The following NR3C1 variants were observed in gnomAD, a reference collection of about 807,000 sequenced individuals.
The protein encoded by NR3C1 is glucocorticoid receptor.
Under a neutral mutation model 74.0 loss-of-function variants are expected in NR3C1, and 14 were observed. That is an observed-to-expected ratio of 0.19 (90% confidence interval 0.12 to 0.30). The LOEUF is 0.30. Ranked by LOEUF, NR3C1 falls within the 10% of genes least tolerant of loss-of-function variation. The pLI is 1.00. For missense variants in NR3C1, 695 were observed against 909.8 expected (o/e 0.76, Z 3.04); for synonymous variants, 308 against 332.5 (o/e 0.93, Z 0.80).
At chr5:143,292,487 C>T (rs1816159270) in intron 7 of NR3C1, among the ~76,000 whole-genome samples, 1 of 152,142 alleles carries the variant, frequency 6.6e-6, no homozygotes, top group South Asian at 2.1e-4. Flanking sequence ...GTTTTCCTTA[C>T]AGGGCAGGCC....
chr5:143,339,307 GTCTTTGATGATT>G (rs1295902821), intron 2 of NR3C1, among the ~76,000 whole-genome samples: 2 of 152,086 alleles, frequency 1.3e-5, no homozygotes, highest in Admixed American at 6.5e-5. Context: ...CCCTACTCCA[GTCTTTGATGATT>G]TCTTACCTTT....
chr5:143,434,861 T>C (rs1483759624), exon 1 of NR3C1: 3 of 985,230 alleles, frequency 3.0e-6, no homozygotes, highest in East Asian at 2.3e-4. Context: ...GCTACACAAC[T>C]CTTGATGAAC....
At chr5:143,288,040 T>C (rs1321128100) in intron 7 of NR3C1, among the ~76,000 whole-genome samples, 1 of 152,136 alleles carries the variant, frequency 6.6e-6, no homozygotes, top group Non-Finnish European at 1.5e-5. Context: ...AGTATTTTAG[T>C]AGTATTTTTG....
At chr5:143,340,355 T>TG (rs1827949062) in intron 2 of NR3C1, among the ~76,000 whole-genome samples, 1 of 151,984 alleles carries the variant, frequency 6.6e-6, no homozygotes, top group Non-Finnish European at 1.5e-5. Flanking sequence ...CAGGCTTTTT[T>TG]TGTGTGTGTA....
At chr5:143,343,227 G>A (rs981214710) in intron 2 of NR3C1, among the ~76,000 whole-genome samples, 17 of 152,206 alleles carry the variant, frequency 1.1e-4, no homozygotes, top group Admixed American at 5.2e-4. Context: ...CAACTACTGG[G>A]ATTCCAGATA....
intron 2 of NR3C1, among the ~76,000 whole-genome samples, chr5:143,330,786 C>T (rs1025785542): frequency 8.5e-5 from 13 of 152,168 alleles, no homozygotes; most frequent in African/African-American, 3.1e-4. Context: ...AAAATCATCC[C>T]TGAAAAAACT....
At chr5:143,365,497 TAAC>T (rs1227651288) in intron 2 of NR3C1, among the ~76,000 whole-genome samples, 1 of 152,178 alleles carries the variant, frequency 6.6e-6, no homozygotes, top group African/African-American at 2.4e-5. Flanking sequence ...TACTTGTACC[TAAC>T]AATAGAATTT....
chr5:143,396,109 A>G (rs562129275), intron 2 of NR3C1, among the ~76,000 whole-genome samples: 1 of 151,954 alleles, frequency 6.6e-6, no homozygotes, highest in East Asian at 1.9e-4. Context: ...ATACAAGGGG[A>G]CTAGCCATAG....
chr5:143,298,900 C>T, intron 5 of NR3C1, 88 bp from the exon 6 acceptor site: 2 of 1,419,544 alleles, frequency 1.4e-6, no homozygotes, highest in South Asian at 1.2e-5. Flanking sequence ...GATCAATTAG[C>T]CCTGTCAAAA....
intron 2 of NR3C1, among the ~76,000 whole-genome samples, chr5:143,398,363 T>G (rs927406942): frequency 1.7e-4 from 25 of 150,712 alleles, no homozygotes; most frequent in East Asian, 3.9e-4. Context: ...TTGGTTTTTT[T>G]TTTTTTTTTT....
At chr5:143,434,785 C>T (rs1236081179) in exon 1 of NR3C1, 4 of 985,346 alleles carry the variant, frequency 4.1e-6, no homozygotes, top group East Asian at 2.3e-4. Flanking sequence ...GGGCTAACTG[C>T]TCTGAGAGCA....
intron 2 of NR3C1, among the ~76,000 whole-genome samples, chr5:143,314,902 T>A (rs2151624560): frequency 6.6e-6 from 1 of 152,316 alleles, no homozygotes; most frequent in South Asian, 2.1e-4. Context: ...TGAGTTCCAT[T>A]CTGCCCACTC....
intron 7 of NR3C1, among the ~76,000 whole-genome samples, chr5:143,283,919 C>G (rs1278052677): frequency 1.3e-5 from 2 of 152,126 alleles, no homozygotes; most frequent in African/African-American, 4.8e-5. Context: ...ACATATTAGG[C>G]AGACTTCTGA....
chr5:143,311,314 A>G (rs1820891753), intron 3 of NR3C1, among the ~76,000 whole-genome samples: 1 of 152,210 alleles, frequency 6.6e-6, no homozygotes, highest in African/African-American at 2.4e-5. Context: ...GAAAAAAAGA[A>G]AAAAAATCAC....
intron 2 of NR3C1, among the ~76,000 whole-genome samples, chr5:143,359,924 AAAAT>A (rs1334070491): frequency 2.0e-5 from 3 of 152,186 alleles, no homozygotes; most frequent in Admixed American, 1.3e-4. Flanking sequence ...TCTCAAAAAT[AAAAT>A]AAATAAATAA....
rs1177261567 is a variant in NR3C1 at position 143,429,402 on chromosome 5, G to A, written c.-14+5130C>T. 2.0e-5 allele frequency among the ~76,000 whole-genome samples: 3 copies of A among 152,206 alleles called. No homozygotes were observed. The East Asian group carries it at 5.8e-4, about 29-fold the overall frequency. On this transcript the variant is annotated intron_variant, in intron 1 of 8. Transcript: ENST00000343796. ...TAGTAGTTTACAGTTACAAATTGGT[G>A]AGTATCTTCATTTTCCATATTAGAA...
chr5:143,310,300 A>C, intron 3 of NR3C1, 87 bp from the exon 4 acceptor site: 2 of 969,754 alleles, frequency 2.1e-6, no homozygotes, highest in South Asian at 1.3e-5. Flanking sequence ...TTCCGGTGGA[A>C]TATAACCAAG....
chr5:143,408,183 G>T (rs578124583), upstream of NR3C1, among the ~76,000 whole-genome samples: 2 of 152,224 alleles, frequency 1.3e-5, no homozygotes, highest in East Asian at 3.9e-4. Context: ...GTAATGCATT[G>T]ATATAGTGTA....
intron 1 of NR3C1, among the ~76,000 whole-genome samples, chr5:143,421,004 C>G (rs1600678159): frequency 6.6e-6 from 1 of 152,162 alleles, no homozygotes; most frequent in South Asian, 2.1e-4. Context: ...ATGTATAATT[C>G]AGGACAAATT....
Sources: gnomAD v4.1 joint callset for allele counts (sites outside exome capture counted in the v4.1 genomes callset) on GRCh38, gnomAD v4.1.1 for gene constraint, MANE v1.5 for transcripts, NCBI Gene and HGNC (gene_info 2026-07-23, HGNC 2026-07-21) for gene names.